The following ADAMTS2 variants were observed in gnomAD, a reference collection of about 807,000 sequenced individuals.
ADAMTS2 encodes A disintegrin and metalloproteinase with thrombospondin motifs 2.
Under a neutral mutation model 123.0 loss-of-function variants are expected in ADAMTS2, and 50 were observed. That is an observed-to-expected ratio of 0.41 (90% CI 0.32 to 0.51). The LOEUF (loss-of-function observed/expected upper bound fraction) is 0.51. Among genes scored for constraint, ADAMTS2 ranks in the 20% least tolerant of loss-of-function variants. ADAMTS2 has a pLI of 0.35. For synonymous variants in ADAMTS2, 678 were observed against 695.4 expected (o/e 0.98, Z 0.39); for missense variants, 1,494 against 1,705.2 (o/e 0.88, Z 2.18).
At position 179,204,844 on chromosome 5, in the gene ADAMTS2, C is replaced by T. The variant is rs372512477; in HGVS notation, c.891+2669G>A. ...CGCCCCGGGACTCTCTGCCACGCCC[C>T]GCCGCCTCTGCAGGACACCCCCACT... is the stretch of plus-strand genomic sequence containing the variant. On this transcript the variant is annotated intron_variant, in intron 4 of 21. Transcript: ENST00000251582. Among the ~76,000 whole-genome samples the T allele has an allele frequency of 5.2e-4, 79 of 152,340 alleles. 1 individual carries two copies. The East Asian group carries it at 7.5e-3, about 15-fold the overall frequency.
chr5:179,186,435 G>T (rs1189378224), intron 4 of ADAMTS2, among the ~76,000 whole-genome samples: 1 of 152,208 alleles, frequency 6.6e-6, no homozygotes, highest in Non-Finnish European at 1.5e-5. Flanking sequence ...AGAGGCAGGG[G>T]TGCTCCACAG....
intron 3 of ADAMTS2, among the ~76,000 whole-genome samples, chr5:179,235,631 G>A (rs558047296): frequency 6.6e-6 from 1 of 152,372 alleles, no homozygotes; most frequent in East Asian, 1.9e-4. Context: ...GCCAACGAAA[G>A]TGCTGGTAGG....
In ADAMTS2 at chr5:179,314,386, G is replaced by T. The variant is rs1402885594; in HGVS notation, c.534+29381C>A. Among the ~76,000 whole-genome samples the T allele has an allele frequency of 6.6e-6, 1 of 152,222 alleles. No individual in the cohort carries two copies. The highest frequency in any genetic ancestry group is 2.4e-5 in the African/African-American group (1 of 41,448). ...GAGCTAAGTGAGCGCAGAGGAGAGTGCAGGGAGCGGCAAGGCCAGGCTCCT... is the reference window on the plus strand; with the variant it reads ...GAGCTAAGTGAGCGCAGAGGAGAGTTCAGGGAGCGGCAAGGCCAGGCTCCT... On this transcript the variant is annotated intron_variant, in intron 2 of 21. Transcript: ENST00000251582. This position sits in a 1 kb window ranked among gnomAD's most constrained non-coding sequence, Gnocchi z 4.5.
intron 3 of ADAMTS2, among the ~76,000 whole-genome samples, chr5:179,214,865 G>A (rs371102496): frequency 1.1e-4 from 17 of 149,428 alleles, no homozygotes; most frequent in Admixed American, 4.7e-4. Context: ...AATCTCCGTC[G>A]AATAATTGTT....
intron 7 of ADAMTS2, 98 bp from the exon 8 acceptor site, chr5:179,154,290 C>T (rs1002055440): frequency 5.3e-5 from 80 of 1,506,784 alleles, no homozygotes; most frequent in Non-Finnish European, 6.2e-5. Flanking sequence ...CTTTCCCCAA[C>T]GGGCCTCCTG....
intron 2 of ADAMTS2, among the ~76,000 whole-genome samples, chr5:179,284,606 C>T (rs57404064): frequency 6.6e-6 from 1 of 152,092 alleles, no homozygotes; most frequent in African/African-American, 2.4e-5. Flanking sequence ...AGGCTGGTCT[C>T]GAACTCCTGA....
At position 179,345,243 on chromosome 5, in the gene ADAMTS2, GGCAGGAGCGGCGGCGGCAGCA is replaced by G. The variant is rs1757910710; in HGVS notation, c.65_85del (p.Leu22_Leu28del). 1 of 1,146,620 alleles carries G rather than the reference GGCAGGAGCGGCGGCGGCAGCA, an allele frequency of 8.7e-7. No individual in the cohort carries two copies. The highest frequency in any genetic ancestry group is 1.1e-6 in the Non-Finnish European group (1 of 939,542). 71.0% of individuals were successfully genotyped at this position (1,146,620 alleles called of 1,614,324 possible). The stretch of plus-strand genomic sequence containing the variant: ...GGCGTTCGCGGGCGGCGGCGGCGGC[GGCAGGAGCGGCGGCGGCAGCA>G]GCAGCAGCAGCAGCAGCAGCGCGGG... On this transcript the variant is annotated inframe_deletion, in exon 1 of 22. Coordinates refer to ENST00000251582, the MANE Select transcript of ADAMTS2 (RefSeq NM_014244.5). This position sits in a 1 kb window ranked among gnomAD's most constrained non-coding sequence, Gnocchi z 7.5.
intron 2 of ADAMTS2, among the ~76,000 whole-genome samples, chr5:179,297,652 C>T (rs1756379632): frequency 6.6e-6 from 1 of 152,118 alleles, no homozygotes; most frequent in Non-Finnish European, 1.5e-5. Flanking sequence ...TGCCAACTCC[C>T]CACCCCTACT....
At chr5:179,265,320 G>C (rs979307020) in intron 3 of ADAMTS2, among the ~76,000 whole-genome samples, 7 of 152,230 alleles carry the variant, frequency 4.6e-5, no homozygotes, top group Non-Finnish European at 8.8e-5. Flanking sequence ...AAACCATGTC[G>C]GGAGGGGAGA....
intron 4 of ADAMTS2, among the ~76,000 whole-genome samples, chr5:179,203,811 A>G (rs1764618321): frequency 6.6e-6 from 1 of 152,244 alleles, no homozygotes; most frequent in South Asian, 2.1e-4. Flanking sequence ...AAACTCCTCA[A>G]AAAATTAAAG....
chr5:179,167,655 G>C (rs1327334058), intron 5 of ADAMTS2, among the ~76,000 whole-genome samples: 1 of 152,182 alleles, frequency 6.6e-6, no homozygotes, highest in Non-Finnish European at 1.5e-5. Context: ...CCACGCGACC[G>C]AGGCTCACCA....
At chr5:179,284,073 A>G (rs969076162) in intron 2 of ADAMTS2, among the ~76,000 whole-genome samples, 4 of 151,534 alleles carry the variant, frequency 2.6e-5, no homozygotes, top group African/African-American at 4.8e-5. Flanking sequence ...GCTCACGTCC[A>G]TAATCCCAGC....
intron 2 of ADAMTS2, among the ~76,000 whole-genome samples, chr5:179,294,279 C>T (rs1419495252): frequency 2.0e-5 from 3 of 152,160 alleles, no homozygotes; most frequent in African/African-American, 4.8e-5. Context: ...GACTGGGAAC[C>T]GGGAGAAAGA....
In ADAMTS2 at chr5:179,332,548, T is replaced by C. The variant is rs1757509932; in HGVS notation, c.534+11219A>G. Among the ~76,000 whole-genome samples, 3 of 152,140 alleles carry C rather than the reference T, an allele frequency of 2.0e-5. No individual in the cohort carries two copies. The highest frequency in any genetic ancestry group is 4.1e-4 in the South Asian group (2 of 4,832). On this transcript the variant is annotated intron_variant, in intron 2 of 21. Coordinates refer to ENST00000251582, the MANE Select transcript of ADAMTS2 (RefSeq NM_014244.5). This position sits in a 1 kb window ranked among gnomAD's most constrained non-coding sequence, Gnocchi z 4.2. Reference sequence around the variant, plus strand: ...AGGAACCAGAGATGAAGAACAAACATACATTTATAATTTCCCACTATCACA... The same window carrying C: ...AGGAACCAGAGATGAAGAACAAACACACATTTATAATTTCCCACTATCACA...
intron 3 of ADAMTS2, among the ~76,000 whole-genome samples, chr5:179,223,084 CATTT>C (rs924410956): frequency 6.6e-6 from 1 of 152,248 alleles, no homozygotes; most frequent in Non-Finnish European, 1.5e-5. Context: ...CATTTTCATT[CATTT>C]GTTCATTGTT....
At chr5:179,297,424 C>T (rs773190299) in intron 2 of ADAMTS2, among the ~76,000 whole-genome samples, 1 of 152,056 alleles carries the variant, frequency 6.6e-6, no homozygotes. Context: ...TGCTGCTTCT[C>T]GGCACCAAGA....
At chr5:179,210,529 TC>T (rs1561807492) in intron 3 of ADAMTS2, among the ~76,000 whole-genome samples, 1 of 152,208 alleles carries the variant, frequency 6.6e-6, no homozygotes, top group African/African-American at 2.4e-5. Context: ...TTCTAGAGCA[TC>T]CCTCCACCCA....
chr5:179,284,237 G>C (rs150177126), intron 2 of ADAMTS2, among the ~76,000 whole-genome samples: 1 of 151,218 alleles, frequency 6.6e-6, no homozygotes, highest in African/African-American at 2.4e-5. Flanking sequence ...GCTGAGGCAG[G>C]AGAATTGCTT....
At position 179,125,214 on chromosome 5, in the gene ADAMTS2, C is replaced by T. The variant is rs59459360; in HGVS notation, c.2751-34G>A. ...GCAGAGCGGGGCACAGTCAGGCTTC[C>T]GCAGCACCTGGAGAACCTGCCTGGC... is the stretch of plus-strand genomic sequence containing the variant. On this transcript the variant is annotated intron_variant, in intron 18 of 21. Coordinates refer to ENST00000251582, the MANE Select transcript of ADAMTS2 (RefSeq NM_014244.5). The T allele has an allele frequency of 2.0e-3, 3,142 of 1,602,938 alleles. 53 individuals are homozygous for T. The African/African-American group carries it at 0.033, about 17-fold the overall frequency.
Sources: gnomAD v4.1 joint callset for allele counts (sites outside exome capture counted in the v4.1 genomes callset) on GRCh38, gnomAD v4.1.1 for gene constraint, Gnocchi (gnomAD v3.1) non-coding constraint, MANE v1.5 for transcripts, NCBI Gene and HGNC (gene_info 2026-07-23, HGNC 2026-07-21) for gene names.